The following SHISA9 variants were observed in gnomAD, a reference collection of about 807,000 sequenced individuals.
SHISA9 encodes shisa family member 9.
In SHISA9, 13 loss-of-function variants were observed where a neutral mutation model predicts 38.0. The observed-to-expected ratio is 0.34, with a 90% confidence interval of 0.22 to 0.54. The LOEUF (loss-of-function observed/expected upper bound fraction) is 0.54. Ranked by LOEUF, SHISA9 falls within the 20% of genes least tolerant of loss-of-function variation. The pLI is 0.91. For synonymous variants in SHISA9, 275 were observed against 242.0 expected, an observed-to-expected ratio of 1.14 and a Z score of -1.27; for missense variants, 538 against 575.8, an observed-to-expected ratio of 0.93 and a Z score of 0.67.
chr16:13,418,653 A>T, the SHISA9 span, among the ~76,000 whole-genome samples: 1 of 152,200 alleles, frequency 6.6e-6, no homozygotes, highest in East Asian at 1.9e-4. Flanking sequence ...GATGTGGGGC[A>T]AACTGGGATG....
At chr16:13,547,000 C>G in the SHISA9 span, among the ~76,000 whole-genome samples, 2 of 152,188 alleles carry the variant, frequency 1.3e-5, no homozygotes, top group Non-Finnish European at 2.9e-5. Context: ...GGCCAACATT[C>G]ATCTCTTCTA....
At chr16:13,052,538 A>G (rs930665823) in intron 2 of SHISA9, among the ~76,000 whole-genome samples, 9 of 152,166 alleles carry the variant, frequency 5.9e-5, no homozygotes, top group Non-Finnish European at 1.3e-4. Context: ...TGCCAATTAC[A>G]CTGAAATAAT....
the SHISA9 span, among the ~76,000 whole-genome samples, chr16:13,268,542 T>C: frequency 6.6e-6 from 1 of 152,074 alleles, no homozygotes; most frequent in Non-Finnish European, 1.5e-5. Context: ...AATGTCCCTT[T>C]GAGAAATTCA....
intron 4 of SHISA9, among the ~76,000 whole-genome samples, chr16:13,223,812 C>T (rs140286048): frequency 1.3e-5 from 2 of 152,266 alleles, no homozygotes; most frequent in African/African-American, 4.8e-5. Context: ...AGAGGAATTC[C>T]CCTTTATAAA....
At chr16:13,544,426 C>G in the SHISA9 span, among the ~76,000 whole-genome samples, 37 of 46,686 alleles carry the variant, frequency 7.9e-4, no homozygotes, top group Non-Finnish European at 1.3e-3. Context: ...TTTTTTTTTT[C>G]TTGTTTTTTT....
the SHISA9 span, among the ~76,000 whole-genome samples, chr16:13,355,795 T>C: frequency 1.3e-5 from 2 of 152,136 alleles, no homozygotes; most frequent in African/African-American, 4.8e-5. Context: ...CGTGATGGTC[T>C]AGGGGGCTTC....
At chr16:13,241,264 C>T (rs570206658), downstream of SHISA9, among the ~76,000 whole-genome samples, 33 of 152,258 alleles carry the variant, frequency 2.2e-4, no homozygotes, top group African/African-American at 7.9e-4. Flanking sequence ...TCTGTAATTC[C>T]AGCACTTTGG....
intron 2 of SHISA9, among the ~76,000 whole-genome samples, chr16:13,072,087 G>A (rs954307444): frequency 2.0e-5 from 3 of 152,194 alleles, no homozygotes; most frequent in Non-Finnish European, 4.4e-5. Context: ...CCCTGCCCCT[G>A]GTTCCAGCTC....
chr16:13,549,484 T>A, the SHISA9 span, among the ~76,000 whole-genome samples: 2 of 152,088 alleles, frequency 1.3e-5, no homozygotes, highest in Non-Finnish European at 2.9e-5. Flanking sequence ...TGCATCATGG[T>A]TTGTGCAAAG....
At chr16:12,906,485 C>A (rs918804945) in intron 1 of SHISA9, among the ~76,000 whole-genome samples, 2 of 152,032 alleles carry the variant, frequency 1.3e-5, no homozygotes, top group South Asian at 2.1e-4. Context: ...CATGGGATCT[C>A]GTAAGAACCG....
the SHISA9 span, among the ~76,000 whole-genome samples, chr16:13,262,658 A>AAGGAAGGGAGGGAGGGAGGGAGGG: frequency 3.9e-5 from 2 of 51,866 alleles, no homozygotes; most frequent in Non-Finnish European, 7.2e-5. Context: ...GGAAGGAAGG[A>AAGGAAGGGAGGGAGGGAGGGAGGG]AGGAAGGAAG....
chr16:12,923,568 C>T (rs2071355867), intron 2 of SHISA9, among the ~76,000 whole-genome samples: 1 of 151,930 alleles, frequency 6.6e-6, no homozygotes, highest in South Asian at 2.1e-4. Context: ...GGTAATGAAA[C>T]AGTCGGAAAA....
intron 2 of SHISA9, among the ~76,000 whole-genome samples, chr16:13,142,139 G>T (rs2050407245): frequency 6.6e-6 from 1 of 152,206 alleles, no homozygotes; most frequent in African/African-American, 2.4e-5. Context: ...AGTTCGAGGT[G>T]GTTCTGCTGG....
At chr16:13,227,607 CTAAA>C (rs1385249440) in intron 4 of SHISA9, among the ~76,000 whole-genome samples, 1 of 152,162 alleles carries the variant, frequency 6.6e-6, no homozygotes, top group African/African-American at 2.4e-5. Flanking sequence ...ATTTTGAAGT[CTAAA>C]GGGGAATCTT....
chr16:13,354,300 A>ATTT, the SHISA9 span, among the ~76,000 whole-genome samples: 1 of 35,416 alleles, frequency 2.8e-5, no homozygotes, highest in South Asian at 2.0e-3. Flanking sequence ...GGTGTGTGGC[A>ATTT]ATTAGGCCTG....
intron 2 of SHISA9, among the ~76,000 whole-genome samples, chr16:13,137,235 C>G (rs1217750526): frequency 6.6e-6 from 1 of 152,054 alleles, no homozygotes; most frequent in Non-Finnish European, 1.5e-5. Flanking sequence ...ATAGTGGAAT[C>G]CATAATAGAT....
chr16:13,466,758 A>G, the SHISA9 span, among the ~76,000 whole-genome samples: 1 of 152,346 alleles, frequency 6.6e-6, no homozygotes, highest in East Asian at 1.9e-4. Context: ...ATCATGTAAC[A>G]TAATGTTGAT....
chr16:13,146,906 G>T (rs2050452189), intron 2 of SHISA9, among the ~76,000 whole-genome samples: 1 of 152,130 alleles, frequency 6.6e-6, no homozygotes, highest in African/African-American at 2.4e-5. Context: ...GTCAATTTTA[G>T]TTTATAAGCT....
chr16:13,546,082 C>G, the SHISA9 span, among the ~76,000 whole-genome samples: 1 of 152,150 alleles, frequency 6.6e-6, no homozygotes, highest in Non-Finnish European at 1.5e-5. Context: ...ATTCAGCCCT[C>G]TTGCCTAGAG....
Sources: allele counts gnomAD v4.1 joint callset (sites outside exome capture counted in the v4.1 genomes callset), GRCh38; gene constraint gnomAD v4.1.1; transcripts MANE v1.5; gene names NCBI Gene and HGNC (gene_info 2026-07-23, HGNC 2026-07-21).